RELN: variants seen among roughly 807,000 people sequenced by gnomAD.
The protein encoded by RELN is reelin.
In RELN, 108 loss-of-function variants were observed where a neutral mutation model predicts 427.6. The ratio of observed to expected loss-of-function variants is 0.25; its 90% CI spans 0.22 to 0.30. RELN has a LOEUF of 0.30. Ranked by LOEUF, RELN falls within the 10% of genes least tolerant of loss-of-function variation. The pLI, the probability that RELN is intolerant of heterozygous loss-of-function variation, is 1.00. For missense variants in RELN, 3,715 were observed against 4,302.8 expected, an observed-to-expected ratio of 0.86 and a Z score of 3.82; for synonymous variants, 1,524 against 1,513.4, an observed-to-expected ratio of 1.01 and a Z score of -0.16.
intron 1 of RELN, among the ~76,000 whole-genome samples, chr7:103,959,368 A>G (rs1406048097): frequency 6.6e-6 from 1 of 152,130 alleles, no homozygotes; most frequent in Non-Finnish European, 1.5e-5. Flanking sequence ...TGATGTCCAT[A>G]TTTATATCCC....
chr7:103,895,823 T>C (rs1041378348), intron 2 of RELN, among the ~76,000 whole-genome samples: 3 of 151,948 alleles, frequency 2.0e-5, no homozygotes, highest in African/African-American at 7.3e-5. Context: ...AAAGCAATTA[T>C]CATACAAGAA....
At chr7:103,880,499 G>A (rs936490191) in intron 2 of RELN, among the ~76,000 whole-genome samples, 5 of 152,088 alleles carry the variant, frequency 3.3e-5, no homozygotes, top group African/African-American at 1.2e-4. Flanking sequence ...CAGTGGAAGA[G>A]TCCCTCCTTT....
chr7:103,865,799 A>G (rs1450001279), intron 2 of RELN, among the ~76,000 whole-genome samples: 1 of 152,188 alleles, frequency 6.6e-6, no homozygotes, highest in Non-Finnish European at 1.5e-5. Flanking sequence ...ATCATACTCA[A>G]TGGTGAAAAC....
chr7:103,835,481 T>C (rs1339292956), intron 2 of RELN, among the ~76,000 whole-genome samples: 1 of 152,210 alleles, frequency 6.6e-6, no homozygotes, highest in African/African-American at 2.4e-5. Context: ...GGTTCATTGA[T>C]TGTACCAAAT....
At chr7:103,566,486 T>C in intron 32 of RELN, 74 bp from the exon 33 acceptor site, 1 of 1,592,474 alleles carries the variant, frequency 6.3e-7, no homozygotes, top group Non-Finnish European at 8.6e-7. Context: ...TGACTGTGAT[T>C]TTAAATCAAA....
intron 11 of RELN, among the ~76,000 whole-genome samples, chr7:103,670,872 T>C (rs1833376310): frequency 6.6e-6 from 1 of 152,112 alleles, no homozygotes; most frequent in Non-Finnish European, 1.5e-5. Flanking sequence ...ATATTTTCTA[T>C]GAATTTTTAA....
intron 46 of RELN, among the ~76,000 whole-genome samples, chr7:103,529,881 T>A (rs1002394592): frequency 2.0e-5 from 3 of 152,210 alleles, no homozygotes; most frequent in African/African-American, 7.2e-5. Context: ...ATAGTTTATG[T>A]CATTGAAGGC....
chr7:103,517,493 A>C, intron 49 of RELN, among the ~76,000 whole-genome samples: 1 of 152,206 alleles, frequency 6.6e-6, no homozygotes, highest in East Asian at 1.9e-4. Flanking sequence ...AGAGAACTAA[A>C]GTAGATTAGA....
intron 58 of RELN, 144 bp downstream of exon 58, chr7:103,491,809 A>G (rs1828661667): frequency 1.5e-6 from 1 of 673,112 alleles, no homozygotes; most frequent in Non-Finnish European, 2.6e-6. Context: ...AGCCTGGGCA[A>G]CAAGAGCGAA....
At chr7:103,538,511 AATGAGGG>A (rs1225290750) in intron 45 of RELN, among the ~76,000 whole-genome samples, 1 of 152,256 alleles carries the variant, frequency 6.6e-6, no homozygotes, top group East Asian at 1.9e-4. Context: ...AATTGGTCAC[AATGAGGG>A]TGGCCTGGAA....
At chr7:103,974,718 A>AT (rs1268370313) in intron 1 of RELN, among the ~76,000 whole-genome samples, 1 of 152,258 alleles carries the variant, frequency 6.6e-6, no homozygotes, top group African/African-American at 2.4e-5. Flanking sequence ...TCGAGTTTCC[A>AT]TTTTTGTGTG....
chr7:103,674,330 CT>C (rs1833463212), intron 11 of RELN, among the ~76,000 whole-genome samples: 1 of 152,182 alleles, frequency 6.6e-6, no homozygotes, highest in Non-Finnish European at 1.5e-5. Flanking sequence ...GTTATACAAT[CT>C]CTGTTGGTTT....
At chr7:103,908,130 TTACCTATACAC>T (rs1795258095) in intron 2 of RELN, among the ~76,000 whole-genome samples, 2 of 152,252 alleles carry the variant, frequency 1.3e-5, no homozygotes, top group African/African-American at 4.8e-5. Flanking sequence ...CATTGCTTCC[TTACCTATACAC>T]TGGGGGTGGC....
At chr7:103,912,100 T>G (rs1250243051) in intron 2 of RELN, among the ~76,000 whole-genome samples, 4 of 152,164 alleles carry the variant, frequency 2.6e-5, no homozygotes, top group Non-Finnish European at 5.9e-5. Context: ...ATGACATGAA[T>G]AGCTGAATGT....
intron 1 of RELN, among the ~76,000 whole-genome samples, chr7:103,960,543 ACAG>A (rs1796529090): frequency 6.6e-6 from 1 of 152,174 alleles, no homozygotes; most frequent in Non-Finnish European, 1.5e-5. Flanking sequence ...CTTGGTTATA[ACAG>A]AAGAACAGAA....
chr7:103,939,479 C>A (rs1301173781), intron 1 of RELN, among the ~76,000 whole-genome samples: 1 of 152,048 alleles, frequency 6.6e-6, no homozygotes, highest in Non-Finnish European at 1.5e-5. Flanking sequence ...AACACACACA[C>A]ATGCATACCA....
intron 2 of RELN, among the ~76,000 whole-genome samples, chr7:103,841,769 A>G (rs968317425): frequency 1.3e-5 from 2 of 152,178 alleles, no homozygotes; most frequent in African/African-American, 4.8e-5. Flanking sequence ...AACACAATGA[A>G]TATTTTATTA....
rs979100503 is a variant in RELN at position 103,546,709 on chromosome 7, T to C, written c.6303-1365A>G. 2.6e-5 allele frequency among the ~76,000 whole-genome samples: 4 copies of C among 152,208 alleles called. No homozygotes were observed. In the East Asian group the frequency reaches 7.7e-4, roughly 29 times the overall value. ...CCATGTCTCTTTCTTTTTTTGTACC[T>C]TTTTAAGGCACCCATATAGTGTTCA... On this transcript the variant is annotated intron_variant, in intron 41 of 64. Coordinates refer to ENST00000428762, the MANE Select transcript of RELN (RefSeq NM_005045.4).
chr7:103,983,006 A>C (rs1797023448), intron 1 of RELN, among the ~76,000 whole-genome samples: 1 of 152,214 alleles, frequency 6.6e-6, no homozygotes, highest in Non-Finnish European at 1.5e-5. Context: ...TTATTTTGTT[A>C]AGGAAAGCTA....
Sources: allele counts gnomAD v4.1 joint callset (sites outside exome capture counted in the v4.1 genomes callset), GRCh38; gene constraint gnomAD v4.1.1; transcripts MANE v1.5; gene names NCBI Gene and HGNC (gene_info 2026-07-23, HGNC 2026-07-21).